Variants in ATAD2B observed in about 807,000 individuals in gnomAD.
ATAD2B encodes ATPase family AAA domain-containing protein 2B.
A neutral mutation model predicts 167.6 loss-of-function variants in ATAD2B; 40 were observed. The observed-to-expected ratio is 0.24, with a 90% confidence interval of 0.19 to 0.31. The LOEUF (loss-of-function observed/expected upper bound fraction) is 0.31. ATAD2B is among the 10% of genes least tolerant of loss of function. The probability of loss-of-function intolerance (pLI) is 1.00; values close to 1 mark genes in which losing one functional copy is unlikely to be tolerated. For synonymous variants in ATAD2B, 579 were observed against 596.5 expected (o/e 0.97, Z 0.43); for missense variants, 1,242 against 1,757.2 (o/e 0.71, Z 5.24).
At chr2:23,879,706 C>T (rs1264392547) in intron 7 of ATAD2B, among the ~76,000 whole-genome samples, 2 of 152,072 alleles carry the variant, frequency 1.3e-5, no homozygotes, top group Non-Finnish European at 2.9e-5. Flanking sequence ...CAAGCTGCAG[C>T]CGTATACTAT....
At chr2:23,720,660 G>T in the ATAD2B span, among the ~76,000 whole-genome samples, 1 of 151,132 alleles carries the variant, frequency 6.6e-6, no homozygotes, top group African/African-American at 2.4e-5. Context: ...AATCAGATCC[G>T]CCTGGAGTCA....
At chr2:23,688,355 G>A in the ATAD2B span, among the ~76,000 whole-genome samples, 1 of 152,156 alleles carries the variant, frequency 6.6e-6, no homozygotes, top group Non-Finnish European at 1.5e-5. Flanking sequence ...ACCCACCACT[G>A]CCCATGGATT....
intron 1 of ATAD2B, among the ~76,000 whole-genome samples, chr2:23,917,063 C>T (rs1015373009): frequency 1.3e-5 from 2 of 152,228 alleles, no homozygotes; most frequent in Non-Finnish European, 2.9e-5. Flanking sequence ...TAGACTACAG[C>T]GTGAATGGTG....
intron 1 of ATAD2B, among the ~76,000 whole-genome samples, chr2:23,924,100 G>A (rs1441182590): frequency 1.9e-5 from 2 of 106,924 alleles, no homozygotes; most frequent in Non-Finnish European, 4.3e-5. Context: ...GGAGAATGGC[G>A]TGAACCCCGG....
intron 9 of ATAD2B, 115 bp from the exon 10 acceptor site, chr2:23,868,061 G>A: frequency 1.5e-6 from 1 of 678,120 alleles, no homozygotes; most frequent in South Asian, 2.0e-5. Flanking sequence ...TCATAACCCA[G>A]AAAATAATAT....
At chr2:23,809,751 CATAAT>C (rs1304187020) in intron 18 of ATAD2B, among the ~76,000 whole-genome samples, 1 of 152,128 alleles carries the variant, frequency 6.6e-6, no homozygotes, top group Non-Finnish European at 1.5e-5. Flanking sequence ...TTCAATATGA[CATAAT>C]ATATCCATGG....
chr2:23,859,903 T>C (rs946334942), intron 12 of ATAD2B, among the ~76,000 whole-genome samples: 2 of 151,882 alleles, frequency 1.3e-5, no homozygotes, highest in Admixed American at 6.6e-5. Flanking sequence ...TGAGCCGAGA[T>C]TGTGCCACTG....
the ATAD2B span, among the ~76,000 whole-genome samples, chr2:23,716,190 G>A: frequency 2.0e-5 from 3 of 152,190 alleles, no homozygotes; most frequent in Non-Finnish European, 2.9e-5. Flanking sequence ...CAGTGAAATT[G>A]TTAGAAAAGC....
the ATAD2B span, among the ~76,000 whole-genome samples, chr2:23,678,344 G>T: frequency 6.6e-6 from 1 of 152,138 alleles, no homozygotes; most frequent in African/African-American, 2.4e-5. Context: ...GGGGATATCT[G>T]GTCCATAACT....
intron 18 of ATAD2B, among the ~76,000 whole-genome samples, chr2:23,805,356 T>C (rs1220785511): frequency 6.6e-6 from 1 of 152,202 alleles, no homozygotes; most frequent in East Asian, 1.9e-4. Context: ...TTTTTGAGAA[T>C]ACTTGCTTTT....
At chr2:23,838,187 G>T (rs1690312517) in intron 13 of ATAD2B, among the ~76,000 whole-genome samples, 1 of 152,122 alleles carries the variant, frequency 6.6e-6, no homozygotes, top group Non-Finnish European at 1.5e-5. Flanking sequence ...TTTTCAAAAT[G>T]AATAACTGAA....
chr2:23,890,164 G>A (rs1196234867), intron 2 of ATAD2B, among the ~76,000 whole-genome samples: 1 of 151,966 alleles, frequency 6.6e-6, no homozygotes, highest in Non-Finnish European at 1.5e-5. Flanking sequence ...ACAGTGAGCC[G>A]AGATCGCGCC....
chr2:23,773,036 C>T (rs1437295213), intron 22 of ATAD2B, among the ~76,000 whole-genome samples: 2 of 152,150 alleles, frequency 1.3e-5, no homozygotes, highest in African/African-American at 2.4e-5. Context: ...GCCACTGTGC[C>T]GGGCCAAGGC....
intron 21 of ATAD2B, 94 bp downstream of exon 21, chr2:23,785,933 T>C (rs1422062450): frequency 6.2e-6 from 7 of 1,121,092 alleles, no homozygotes; most frequent in Non-Finnish European, 8.7e-6. Flanking sequence ...TATTCATCCA[T>C]GCCTTTGCTT....
intron 1 of ATAD2B, among the ~76,000 whole-genome samples, chr2:23,906,393 T>A (rs1363110989): frequency 6.6e-6 from 1 of 152,074 alleles, no homozygotes; most frequent in Non-Finnish European, 1.5e-5. Context: ...GTTAAAAGTA[T>A]GGAGAAAACC....
intron 15 of ATAD2B, 93 bp from the exon 16 acceptor site, chr2:23,823,662 A>G: frequency 8.8e-7 from 1 of 1,136,734 alleles, no homozygotes; most frequent in East Asian, 2.4e-5. Flanking sequence ...AGCTAAAGTC[A>G]TAATCAATAC....
At chr2:23,766,805 C>T (rs1677478717) in intron 22 of ATAD2B, among the ~76,000 whole-genome samples, 1 of 151,894 alleles carries the variant, frequency 6.6e-6, no homozygotes, top group South Asian at 2.1e-4. Context: ...CTACAGGGTA[C>T]TGGTGTGGGT....
chr2:23,810,574 AT>A, intron 17 of ATAD2B, 72 bp from the exon 18 acceptor site: 1 of 1,253,092 alleles, frequency 8.0e-7, no homozygotes, highest in Non-Finnish European at 1.1e-6. Flanking sequence ...ATCAGGCAAA[AT>A]TTTTACATTA....
chr2:23,859,703 T>C (rs747410351), intron 12 of ATAD2B, among the ~76,000 whole-genome samples: 7 of 152,078 alleles, frequency 4.6e-5, no homozygotes, highest in Non-Finnish European at 7.4e-5. Context: ...ATCCCAGCAC[T>C]TTGGGAGGTC....
Sources: allele counts gnomAD v4.1 joint callset (sites outside exome capture counted in the v4.1 genomes callset), GRCh38; gene constraint gnomAD v4.1.1; transcripts MANE v1.5; gene names NCBI Gene and HGNC (gene_info 2026-07-23, HGNC 2026-07-21).